ZNF827: variants seen among roughly 807,000 people sequenced by gnomAD.
ZNF827 encodes zinc finger protein 827.
ZNF827 carries 13 observed loss-of-function variants against 102.4 expected under a neutral mutation model. The observed-to-expected ratio is 0.13, with a 90% CI of 0.08 to 0.20. The LOEUF (loss-of-function observed/expected upper bound fraction) is 0.20. ZNF827 is among the 10% of genes least tolerant of loss of function. The pLI is 1.00. For synonymous variants in ZNF827, 523 were observed against 536.2 expected, an observed-to-expected ratio of 0.98 and a Z score of 0.34; for missense variants, 1,103 against 1,344.4, an observed-to-expected ratio of 0.82 and a Z score of 2.81.
chr4:145,913,920 A>C (rs1752478295), intron 1 of ZNF827, among the ~76,000 whole-genome samples: 1 of 152,250 alleles, frequency 6.6e-6, no homozygotes, highest in Admixed American at 6.5e-5. Flanking sequence ...TAGGTCAAAG[A>C]ACCTAAACAA....
chr4:145,825,930 C>T (rs576383149), intron 7 of ZNF827, among the ~76,000 whole-genome samples: 1 of 152,308 alleles, frequency 6.6e-6, no homozygotes, highest in African/African-American at 2.4e-5. Flanking sequence ...CTGCTGGATA[C>T]TAAAAATGCA....
intron 1 of ZNF827, among the ~76,000 whole-genome samples, chr4:145,931,417 T>A (rs555488185): frequency 3.9e-5 from 6 of 152,294 alleles, no homozygotes; most frequent in African/African-American, 1.2e-4. Context: ...AGTTATGAAA[T>A]CTGATGAAAA....
In ZNF827 at chr4:145,849,646, C is replaced by T. The variant is rs1746330612; in HGVS notation, c.1982-85G>A. ...CCCAGTTTCTAATCACAGAGAAAAC[C>T]ATAAAGATTGTGGCAGGGAAGAGAA... On this transcript the variant is annotated intron_variant, in intron 5 of 14. Coordinates refer to ENST00000508784, the MANE Select transcript of ZNF827 (RefSeq NM_001306215.2). 6.3e-6 allele frequency: 10 copies of T among 1,577,692 alleles called. No homozygotes were observed. In the South Asian group the frequency reaches 9.3e-5, roughly 15 times the overall value.
chr4:145,889,128 CTTTG>C (rs1293947898), intron 3 of ZNF827, among the ~76,000 whole-genome samples: 1 of 151,934 alleles, frequency 6.6e-6, no homozygotes, highest in East Asian at 1.9e-4. Flanking sequence ...CTTTATATTC[CTTTG>C]TTTATCAGTT....
intron 8 of ZNF827, among the ~76,000 whole-genome samples, chr4:145,789,796 A>C (rs960194703): frequency 1.3e-5 from 2 of 152,142 alleles, no homozygotes; most frequent in Non-Finnish European, 2.9e-5. Context: ...AAATTCACCA[A>C]CCATAAAGAA....
chr4:145,849,469 G>T lies in ZNF827; in HGVS notation c.2074C>A (p.Arg692=). Residue 692 remains arginine (R), a synonymous_variant, in exon 6 of 15, where the codon CGG becomes AGG. Coordinates refer to ENST00000508784, the MANE Select transcript of ZNF827 (RefSeq NM_001306215.2). ...ATTAAAGTGCTGTAGCCAACATTCC[G>T]GCTGGGTGATATCGAGACATGGGAG... ...QDSHVSISPS[R]NVGYSTLIGR... is the part of the protein sequence containing the mutation. 2 of 1,614,128 alleles carry T rather than the reference G, an allele frequency of 1.2e-6. No homozygotes were observed. Among genetic ancestry groups the T allele is most frequent in the Non-Finnish European group, 1.7e-6 (2 of 1,180,030 alleles).
intron 1 of ZNF827, among the ~76,000 whole-genome samples, chr4:145,929,087 G>T (rs1486917590): frequency 6.6e-6 from 1 of 152,140 alleles, no homozygotes; most frequent in Non-Finnish European, 1.5e-5. Context: ...TATCTGTGTG[G>T]GGCAAAACAC....
At chr4:145,829,618 A>G (rs1560971110) in intron 7 of ZNF827, among the ~76,000 whole-genome samples, 1 of 152,212 alleles carries the variant, frequency 6.6e-6, no homozygotes, top group South Asian at 2.1e-4. Flanking sequence ...TATGTCTGAG[A>G]AACTATATGT....
At chr4:145,818,288 G>A (rs183937080) in intron 8 of ZNF827, among the ~76,000 whole-genome samples, 29 of 152,306 alleles carry the variant, frequency 1.9e-4, no homozygotes, top group Non-Finnish European at 1.6e-4. Context: ...GCAGTTCTGG[G>A]TCTGAATTCC....
At position 145,760,738 on chromosome 4, in the gene ZNF827, G is replaced by A; in HGVS notation, c.*878C>T. 20 of 406,398 alleles carry A rather than the reference G, an allele frequency of 4.9e-5. No homozygotes were observed. Among genetic ancestry groups the A allele is most frequent in the Non-Finnish European group, 5.9e-5 (20 of 337,526 alleles). 25.2% of individuals were successfully genotyped at this position (406,398 alleles called of 1,614,324 possible). ...TTTTGTGGTTTTTTTTTTTTTTTTTGTCTTTTGTCTCTCTGTTTTTGGTAC... is the reference window on the plus strand; with the variant it reads ...TTTTGTGGTTTTTTTTTTTTTTTTTATCTTTTGTCTCTCTGTTTTTGGTAC... On this transcript the variant is annotated 3_prime_UTR_variant, in exon 15 of 15. Transcript: ENST00000508784.
At chr4:145,798,147 A>G (rs992814348) in intron 8 of ZNF827, among the ~76,000 whole-genome samples, 11 of 152,206 alleles carry the variant, frequency 7.2e-5, no homozygotes, top group African/African-American at 2.7e-4. Context: ...TGTTCACATG[A>G]CAGTGGGTTA....
At position 145,798,128 on chromosome 4, in the gene ZNF827, C is replaced by T. The variant is rs748304948; in HGVS notation, c.2384-18617G>A. On this transcript the variant is annotated intron_variant, in intron 8 of 14. Transcript: ENST00000508784. ...GCATACTGGAGTGTGGCTTCCTCCA[C>T]GGACTTCATGTTCACATGACAGTGG... Among the ~76,000 whole-genome samples the T allele has an allele frequency of 8.5e-5, 13 of 152,304 alleles. No individual in the cohort carries two copies. In the East Asian group the frequency reaches 1.5e-3, roughly 18 times the overall value.
rs370427705 is a variant in ZNF827 at position 145,938,622 on chromosome 4, C to CT, written c.-216dup. On this transcript the variant is annotated 5_prime_UTR_variant, in exon 1 of 15. Coordinates refer to ENST00000508784, the MANE Select transcript of ZNF827 (RefSeq NM_001306215.2). Reference sequence around the variant, plus strand: ...CTTCTTTTCTTTCCTTTCTTTTTTCCTTTTTTTTTTTTTTTTAAATTTTTG... The same window carrying CT: ...CTTCTTTTCTTTCCTTTCTTTTTTCCTTTTTTTTTTTTTTTTTAAATTTTTG... 0.041 allele frequency: 17,359 copies of CT among 418,496 alleles called. 7 individuals carry two copies. The highest frequency in any genetic ancestry group is 0.049 in the Middle Eastern group (75 of 1,534). The allele number at this position is 418,496 out of a possible 1,614,324, so 25.9% of individuals were successfully genotyped here.
At chr4:145,895,973 T>C (rs886987479) in intron 2 of ZNF827, among the ~76,000 whole-genome samples, 1 of 152,206 alleles carries the variant, frequency 6.6e-6, no homozygotes, top group African/African-American at 2.4e-5. Flanking sequence ...TTATTATCAC[T>C]GCAAACACAA....
intron 5 of ZNF827, among the ~76,000 whole-genome samples, chr4:145,864,420 CAAAAAAAAAAAA>C (rs34745619): frequency 3.3e-5 from 2 of 60,806 alleles, no homozygotes; most frequent in Non-Finnish European, 5.8e-5. Context: ...CTTGTCTCTA[CAAAAAAAAAAAA>C]AAAAAAAAAA....
At chr4:145,770,515 T>G (rs1287462893) in intron 11 of ZNF827, among the ~76,000 whole-genome samples, 1 of 151,576 alleles carries the variant, frequency 6.6e-6, no homozygotes, top group African/African-American at 2.4e-5. Flanking sequence ...GGTTTTTATA[T>G]GTAAATCATT....
intron 5 of ZNF827, among the ~76,000 whole-genome samples, chr4:145,855,326 A>G (rs997970816): frequency 6.6e-6 from 1 of 152,250 alleles, no homozygotes; most frequent in South Asian, 2.1e-4. Context: ...GGATAAATCA[A>G]AAATCTTTCG....
At chr4:145,839,094 A>G (rs1450853827) in intron 7 of ZNF827, 1 of 152,144 alleles carries the variant, frequency 6.6e-6, no homozygotes, top group Non-Finnish European at 1.5e-5. Context: ...ACATATACGT[A>G]TTTTTCATGT....
chr4:145,894,385 TATC>T (rs754899899), intron 2 of ZNF827, among the ~76,000 whole-genome samples: 1 of 152,334 alleles, frequency 6.6e-6, no homozygotes, highest in South Asian at 2.1e-4. Context: ...TTTCATTTCA[TATC>T]CTTCTGTACT....
Sources: allele counts gnomAD v4.1 joint callset (sites outside exome capture counted in the v4.1 genomes callset), GRCh38; gene constraint gnomAD v4.1.1; transcripts MANE v1.5; gene names NCBI Gene and HGNC (gene_info 2026-07-23, HGNC 2026-07-21).